Variants in COXFA4 observed in about 807,000 individuals in gnomAD.
COXFA4 encodes the protein cytochrome c oxidase subunit FA4.
chr7:10,933,573 T>C, the COXFA4 span: 6 of 1,309,852 alleles, frequency 4.6e-6, no homozygotes, highest in Non-Finnish European at 6.6e-6. Flanking sequence ...AAGTGGAAAA[T>C]TGTGCGGATG....
the COXFA4 span, chr7:10,933,140 G>GCCAA: frequency 1.3e-5 from 2 of 158,604 alleles, no homozygotes; most frequent in African/African-American, 4.8e-5. Context: ...ACAAAGAGAT[G>GCCAA]CCAAGTAAAA....
chr7:10,933,955 AG>A, the COXFA4 span, among the ~76,000 whole-genome samples: 1 of 152,292 alleles, frequency 6.6e-6, no homozygotes, highest in South Asian at 2.1e-4. Flanking sequence ...GGAACCTATA[AG>A]GAAAATTCTT....
At chr7:10,934,083 A>G in the COXFA4 span, among the ~76,000 whole-genome samples, 1 of 152,148 alleles carries the variant, frequency 6.6e-6, no homozygotes, top group Non-Finnish European at 1.5e-5. Flanking sequence ...AGGATTAACA[A>G]GAATTACCTT....
At chr7:10,934,788 A>T in the COXFA4 span, among the ~76,000 whole-genome samples, 1 of 152,250 alleles carries the variant, frequency 6.6e-6, no homozygotes, top group Non-Finnish European at 1.5e-5. Context: ...GTTGAGATAC[A>T]GACAGATACA....
At chr7:10,939,970 G>C in the COXFA4 span, 29 of 1,609,248 alleles carry the variant, frequency 1.8e-5, no homozygotes, top group African/African-American at 2.7e-5. Context: ...GCACCCCGAC[G>C]CAAGAAGGAC....
At chr7:10,939,272 T>C in the COXFA4 span, 1 of 215,704 alleles carries the variant, frequency 4.6e-6, no homozygotes, top group Non-Finnish European at 9.5e-6. Context: ...GAAAAACAAA[T>C]TCTTTGCAAA....
chr7:10,936,062 G>A, the COXFA4 span, among the ~76,000 whole-genome samples: 54 of 152,138 alleles, frequency 3.5e-4, no homozygotes, highest in Non-Finnish European at 6.2e-4. Flanking sequence ...ATGTCAGTGG[G>A]CCAGAAAAAC....
chr7:10,940,015 C>G, the COXFA4 span: 1 of 1,613,864 alleles, frequency 6.2e-7, no homozygotes, highest in Non-Finnish European at 8.5e-7. Context: ...CACGAACTTA[C>G]GCTCGGATGC....
At chr7:10,938,893 T>C in the COXFA4 span, 1 of 1,611,516 alleles carries the variant, frequency 6.2e-7, no homozygotes, top group East Asian at 2.2e-5. Context: ...AAGAGGGGGA[T>C]CAACTAAACC....
chr7:10,938,735 C>T, the COXFA4 span: 1 of 1,024,876 alleles, frequency 9.8e-7, no homozygotes, highest in Non-Finnish European at 1.5e-6. Flanking sequence ...CTAATGTTAT[C>T]GCCCTACAGA....
chr7:10,933,000 A>T, the COXFA4 span: 1 of 152,398 alleles, frequency 6.6e-6, no homozygotes, highest in African/African-American at 2.4e-5. Flanking sequence ...GAAAACCTGC[A>T]CCCTGCACCA....
chr7:10,935,032 G>C, the COXFA4 span, among the ~76,000 whole-genome samples: 7 of 152,226 alleles, frequency 4.6e-5, no homozygotes, highest in African/African-American at 1.7e-4. Flanking sequence ...CAGGCACCGG[G>C]CTAGATGCTT....
the COXFA4 span, chr7:10,939,246 C>A: frequency 4.3e-6 from 1 of 231,950 alleles, no homozygotes; most frequent in Non-Finnish European, 8.7e-6. Context: ...TTCTGGCTTC[C>A]TTTATCCTGG....
At chr7:10,935,579 C>G in the COXFA4 span, among the ~76,000 whole-genome samples, 1 of 152,078 alleles carries the variant, frequency 6.6e-6, no homozygotes, top group Non-Finnish European at 1.5e-5. Context: ...GGAGGCTGGG[C>G]CTTTGAGAGG....
chr7:10,939,297 C>T, the COXFA4 span: 2 of 216,796 alleles, frequency 9.2e-6, no homozygotes, highest in African/African-American at 4.7e-5. Flanking sequence ...TTAAGGGTGC[C>T]TCTATAAAGA....
At chr7:10,939,134 T>A in the COXFA4 span, 1 of 419,656 alleles carries the variant, frequency 2.4e-6, no homozygotes, top group Non-Finnish European at 4.4e-6. Context: ...AGTGTCTTAC[T>A]TTTTAATGTG....
the COXFA4 span, among the ~76,000 whole-genome samples, chr7:10,935,291 C>T: frequency 6.6e-6 from 1 of 152,190 alleles, no homozygotes; most frequent in African/African-American, 2.4e-5. Flanking sequence ...TTCTTTTTCT[C>T]AGTTTAATGC....
chr7:10,933,562 T>C, the COXFA4 span: 1 of 1,163,216 alleles, frequency 8.6e-7, no homozygotes, highest in Non-Finnish European at 1.3e-6. Context: ...ATTTCCTGGT[T>C]AAGTGGAAAA....
chr7:10,933,383 T>A, the COXFA4 span: 1 of 434,120 alleles, frequency 2.3e-6, no homozygotes, highest in Non-Finnish European at 4.1e-6. Context: ...CAAGAAATTC[T>A]TTAAATTCTA....
Sources: allele counts gnomAD v4.1 joint callset (sites outside exome capture counted in the v4.1 genomes callset), GRCh38; gene constraint gnomAD v4.1.1; transcripts MANE v1.5; gene names NCBI Gene and HGNC (gene_info 2026-07-23, HGNC 2026-07-21).